Variants in MBOAT2 observed in about 807,000 individuals in gnomAD.
MBOAT2 encodes membrane-bound glycerophospholipid O-acyltransferase 2.
MBOAT2 carries 28 observed loss-of-function variants against 63.4 expected under a neutral mutation model. The ratio of observed to expected loss-of-function variants is 0.44; its 90% CI spans 0.33 to 0.61. The LOEUF (loss-of-function observed/expected upper bound fraction) is 0.61. MBOAT2 is among the 20% of genes least tolerant of loss of function. MBOAT2 has a pLI of 0.03. For missense variants in MBOAT2, 470 were observed against 605.8 expected, an observed-to-expected ratio of 0.78 and a Z score of 2.35; for synonymous variants, 211 against 215.6, an observed-to-expected ratio of 0.98 and a Z score of 0.19.
At chr2:8,914,070 G>T (rs1209236547) in intron 3 of MBOAT2, among the ~76,000 whole-genome samples, 1 of 152,198 alleles carries the variant, frequency 6.6e-6, no homozygotes, top group Non-Finnish European at 1.5e-5. Context: ...AGTAACTCAG[G>T]AATGGAAAAC....
chr2:8,882,944 A>C (rs1014635755), intron 5 of MBOAT2, among the ~76,000 whole-genome samples: 7 of 152,218 alleles, frequency 4.6e-5, no homozygotes, highest in Admixed American at 3.9e-4. Flanking sequence ...AAACTAGAAG[A>C]TCAACCTAAA....
chr2:8,974,334 A>G, intron 1 of MBOAT2: 1 of 456,084 alleles, frequency 2.2e-6, no homozygotes, highest in South Asian at 1.6e-5. Flanking sequence ...TCACTCTTAA[A>G]AAGGGATACA....
At chr2:8,957,716 G>A (rs79507941) in intron 2 of MBOAT2, among the ~76,000 whole-genome samples, 299 of 152,214 alleles carry the variant, frequency 2.0e-3, no homozygotes, top group African/African-American at 6.7e-3. Flanking sequence ...TGTGAATGGC[G>A]AACACTACAG....
intron 4 of MBOAT2, among the ~76,000 whole-genome samples, chr2:8,899,243 CT>C (rs1664725627): frequency 6.6e-6 from 1 of 152,190 alleles, no homozygotes; most frequent in East Asian, 1.9e-4. Context: ...ATAGCTCCAG[CT>C]TTGGCTAATA....
intron 1 of MBOAT2, chr2:8,974,314 A>G (rs1473456863): frequency 2.2e-6 from 1 of 453,280 alleles, no homozygotes; most frequent in South Asian, 1.6e-5. Flanking sequence ...GATTACTGGG[A>G]AAGTCTTCCT....
intron 3 of MBOAT2, among the ~76,000 whole-genome samples, chr2:8,918,119 T>C (rs1407793537): frequency 1.3e-5 from 2 of 152,208 alleles, no homozygotes; most frequent in African/African-American, 2.4e-5. Context: ...AAGTGAAATG[T>C]GCTATATCTA....
chr2:8,888,811 T>C (rs1391303082), intron 4 of MBOAT2, among the ~76,000 whole-genome samples: 1 of 152,098 alleles, frequency 6.6e-6, no homozygotes, highest in Non-Finnish European at 1.5e-5. Context: ...GAGAATCGCT[T>C]GAGCCCAGGA....
chr2:8,856,175 TCTAGATGACAG>T lies in MBOAT2; in HGVS notation c.*2493_*2503del, dbSNP rs1182250464. 1.3e-5 allele frequency: 2 copies of T among 152,250 alleles called. No homozygotes were observed. Among genetic ancestry groups the T allele is most frequent in the East Asian group, 3.9e-4 (2 of 5,178 alleles). 9.4% of individuals were successfully genotyped at this position (152,250 alleles called of 1,614,324 possible). A position where few individuals can be genotyped will look rare whatever the true frequency, so the allele number is the denominator to read the frequency against. On this transcript the variant is annotated 3_prime_UTR_variant, in exon 13 of 13. Transcript: ENST00000305997. The surrounding 1 kb of genome is among the most constrained non-coding windows in gnomAD (Gnocchi z 4.2). ...AGAAAACCAATCAAATATCTTGCTT[TCTAGATGACAG>T]TGCCAAGATCATATTCACTGAGCAA... is the stretch of plus-strand genomic sequence containing the variant.
chr2:8,873,438 G>A (rs1002862261), intron 7 of MBOAT2, 138 bp from the exon 8 acceptor site: 74 of 848,648 alleles, frequency 8.7e-5, no homozygotes, highest in Non-Finnish European at 1.2e-4. Context: ...GAGCTACATT[G>A]CACTTGGCAT....
intron 2 of MBOAT2, among the ~76,000 whole-genome samples, chr2:8,955,254 G>A (rs1488615049): frequency 6.6e-6 from 1 of 152,212 alleles, no homozygotes; most frequent in Non-Finnish European, 1.5e-5. Context: ...GAGAATGTCT[G>A]CAGCTTTTCA....
At chr2:8,865,614 C>T (rs1164326071) in intron 9 of MBOAT2, among the ~76,000 whole-genome samples, 2 of 152,208 alleles carry the variant, frequency 1.3e-5, no homozygotes, top group African/African-American at 4.8e-5. Context: ...ACAAACAGCT[C>T]CCCTCAATTC....
intron 3 of MBOAT2, among the ~76,000 whole-genome samples, chr2:8,916,517 C>T (rs1573043618): frequency 6.6e-6 from 1 of 152,076 alleles, no homozygotes; most frequent in South Asian, 2.1e-4. Context: ...TTGCTAATTC[C>T]CATGTAGCAG....
intron 2 of MBOAT2, among the ~76,000 whole-genome samples, chr2:8,946,227 C>CA (rs1668405865): frequency 6.6e-6 from 1 of 152,134 alleles, no homozygotes; most frequent in Admixed American, 6.5e-5. Flanking sequence ...AAGTGAAGCT[C>CA]AGAGTGGCTA....
chr2:8,872,775 A>T (rs1318321518), intron 8 of MBOAT2, among the ~76,000 whole-genome samples: 1 of 152,232 alleles, frequency 6.6e-6, no homozygotes, highest in East Asian at 1.9e-4. Context: ...ATACAATCAT[A>T]CTAAATTATA....
intron 1 of MBOAT2, among the ~76,000 whole-genome samples, chr2:9,002,534 T>C (rs1672771676): frequency 6.6e-6 from 1 of 152,190 alleles, no homozygotes; most frequent in Admixed American, 6.5e-5. Flanking sequence ...TAAGTACACT[T>C]GAAATAACTG....
chr2:9,001,241 G>A (rs1052742284), intron 1 of MBOAT2, among the ~76,000 whole-genome samples: 1 of 151,982 alleles, frequency 6.6e-6, no homozygotes, highest in African/African-American at 2.4e-5. Flanking sequence ...ACAATAAAAA[G>A]TATAGTAAAT....
chr2:8,905,695 A>G (rs926799888), intron 4 of MBOAT2, among the ~76,000 whole-genome samples: 1 of 152,186 alleles, frequency 6.6e-6, no homozygotes, highest in African/African-American at 2.4e-5. Flanking sequence ...TAGGAGAAAT[A>G]CCTAATGTAA....
intron 2 of MBOAT2, among the ~76,000 whole-genome samples, chr2:8,954,189 C>T (rs1669040786): frequency 6.6e-6 from 1 of 151,682 alleles, no homozygotes; most frequent in South Asian, 2.1e-4. Context: ...CTTCTATAGC[C>T]CTATACACTT....
rs1661229996 is a variant in MBOAT2, at chr2:8,858,184, T to C, written c.*495A>G. ...ACACTCTTAAATATCCTGTTTCAAA[T>C]TCCTCCTAAAATCCTTTACAGCACA... On this transcript the variant is annotated 3_prime_UTR_variant, in exon 13 of 13. Transcript: ENST00000305997. 1 of 153,084 alleles carries C rather than the reference T, an allele frequency of 6.5e-6. No individual in the cohort carries two copies. The highest frequency in any genetic ancestry group is 2.1e-4 in the South Asian group (1 of 4,856). The allele number at this position is 153,084 out of a possible 1,614,324, so 9.5% of individuals were successfully genotyped here.
Sources: allele counts gnomAD v4.1 joint callset (sites outside exome capture counted in the v4.1 genomes callset), GRCh38; gene constraint gnomAD v4.1.1; non-coding constraint Gnocchi (gnomAD v3.1); transcripts MANE v1.5; gene names NCBI Gene and HGNC (gene_info 2026-07-23, HGNC 2026-07-21).